Variants in L3MBTL3 observed in about 807,000 individuals in gnomAD.
L3MBTL3 encodes lethal(3)malignant brain tumor-like protein 3.
A neutral mutation model predicts 102.3 loss-of-function variants in L3MBTL3; 27 were observed. That is an observed-to-expected ratio of 0.26 (90% confidence interval 0.19 to 0.36). The LOEUF (loss-of-function observed/expected upper bound fraction) is 0.36. L3MBTL3 is among the 10% of genes least tolerant of loss of function. The pLI, the probability that L3MBTL3 is intolerant of heterozygous loss-of-function variation, is 1.00. For synonymous variants in L3MBTL3, 340 were observed against 320.9 expected, an observed-to-expected ratio of 1.06 and a Z score of -0.64; for missense variants, 798 against 955.3, an observed-to-expected ratio of 0.84 and a Z score of 2.17.
intron 19 of L3MBTL3, among the ~76,000 whole-genome samples, chr6:130,116,050 G>A (rs749106317): frequency 3.9e-5 from 6 of 152,126 alleles, no homozygotes; most frequent in Non-Finnish European, 5.9e-5. Context: ...GCAGACCTGG[G>A]TTATAACCCA....
At chr6:130,084,532 T>C (rs1783557505) in intron 15 of L3MBTL3, among the ~76,000 whole-genome samples, 1 of 152,114 alleles carries the variant, frequency 6.6e-6, no homozygotes, top group South Asian at 2.1e-4. Flanking sequence ...GAAGAGAAAC[T>C]ATATCAAAAA....
chr6:130,109,707 T>C (rs1785232026), intron 19 of L3MBTL3, among the ~76,000 whole-genome samples: 1 of 152,252 alleles, frequency 6.6e-6, no homozygotes, highest in Non-Finnish European at 1.5e-5. Context: ...GCTCTTTAGT[T>C]TGATTAGATC....
intron 13 of L3MBTL3, among the ~76,000 whole-genome samples, chr6:130,075,604 T>G (rs1782901016): frequency 6.6e-6 from 1 of 152,186 alleles, no homozygotes; most frequent in African/African-American, 2.4e-5. Context: ...TAAGGGATAT[T>G]AAGCAGAGAA....
At chr6:130,136,750 T>C (rs1376659108) in intron 22 of L3MBTL3, among the ~76,000 whole-genome samples, 1 of 152,132 alleles carries the variant, frequency 6.6e-6, no homozygotes, top group Non-Finnish European at 1.5e-5. Context: ...CCCAAGTAGC[T>C]GGGACTGCAG....
Position 130,045,658 on chromosome 6 carries a change from A to C in L3MBTL3, c.102+2857A>C, listed in dbSNP as rs372821461. ...TAAAGAGAGAAAACACCTTCATATC[A>C]AAAGAGATGCAAGGAAAATTTTACA... is the stretch of plus-strand genomic sequence containing the variant. On this transcript the variant is annotated intron_variant, in intron 3 of 22. Coordinates refer to ENST00000361794, the MANE Select transcript of L3MBTL3 (RefSeq NM_032438.4). Among the ~76,000 whole-genome samples, 17 of 152,258 alleles carry C rather than the reference A, an allele frequency of 1.1e-4. No homozygotes were observed. In the East Asian group the frequency reaches 2.1e-3, roughly 19 times the overall value.
Position 130,053,073 on chromosome 6 carries a change from C to G in L3MBTL3, c.582+82C>G, listed in dbSNP as rs893343303. On this transcript the variant is annotated intron_variant, in intron 7 of 22. Coordinates refer to ENST00000361794, the MANE Select transcript of L3MBTL3 (RefSeq NM_032438.4). ...CACAGTCACAAGCACTGCTCTGGAG[C>G]CCACTGAGTTCAAATGTGGGTTCCA... The G allele has an allele frequency of 9.8e-5, 107 of 1,086,432 alleles. 2 individuals carry two copies. Among genetic ancestry groups the G allele is most frequent in the Middle Eastern group, 2.1e-4 (1 of 4,852 alleles). The allele number at this position is 1,086,432 out of a possible 1,614,324, so 67.3% of individuals were successfully genotyped here. A position where few individuals can be genotyped will look rare whatever the true frequency, so the allele number is the denominator to read the frequency against.
In L3MBTL3 at chr6:130,140,952, G is replaced by A. The variant is rs899959973; in HGVS notation, c.*1199G>A. On this transcript the variant is annotated 3_prime_UTR_variant, in exon 23 of 23. Transcript: ENST00000361794. ...CTTTTTCTGTAGAATACTTTGCCTC[G>A]ATATATAAGCATACAGATGCACTTT... The A allele has an allele frequency of 2.0e-5, 3 of 152,552 alleles. No homozygotes were observed. The highest frequency in any genetic ancestry group is 2.9e-5 in the Non-Finnish European group (2 of 68,030). The allele number at this position is 152,552 out of a possible 1,614,324, so 9.4% of individuals were successfully genotyped here. A position where few individuals can be genotyped will look rare whatever the true frequency, so the allele number is the denominator to read the frequency against.
chr6:130,121,848 C>A (rs140451351), intron 20 of L3MBTL3, among the ~76,000 whole-genome samples: 1 of 152,232 alleles, frequency 6.6e-6, no homozygotes, highest in Non-Finnish European at 1.5e-5. Flanking sequence ...GAGTTTGAGA[C>A]CAGCCTGGCC....
At chr6:130,132,128 C>T (rs919985389) in intron 20 of L3MBTL3, among the ~76,000 whole-genome samples, 2 of 152,152 alleles carry the variant, frequency 1.3e-5, no homozygotes, top group Non-Finnish European at 2.9e-5. Flanking sequence ...GCTCATTGTT[C>T]ATGATCTCCA....
chr6:130,068,335 AAAG>A lies in L3MBTL3; in HGVS notation c.1015_1017del (p.Glu339del), dbSNP rs778488370. The stretch of plus-strand genomic sequence containing the variant: ...TTCATATGTGCTTACTCTAGGGTAT[AAAG>A]AAGAAGAATTCAATTGGCAGACCTA... On this transcript the variant is annotated inframe_deletion, in exon 12 of 23. Coordinates refer to ENST00000361794, the MANE Select transcript of L3MBTL3 (RefSeq NM_032438.4). The A allele has an allele frequency of 5.7e-6, 9 of 1,565,846 alleles. No homozygotes were observed. Among genetic ancestry groups the A allele is most frequent in the Middle Eastern group, 1.7e-4 (1 of 5,968 alleles).
intron 2 of L3MBTL3, among the ~76,000 whole-genome samples, chr6:130,029,888 A>G (rs963737532): frequency 1.1e-4 from 16 of 151,964 alleles, no homozygotes; most frequent in African/African-American, 2.9e-4. Context: ...GGGTGGTACA[A>G]TCTTGGTTCA....
intron 19 of L3MBTL3, among the ~76,000 whole-genome samples, chr6:130,109,044 T>A (rs1582588336): frequency 6.6e-6 from 1 of 152,220 alleles, no homozygotes; most frequent in Non-Finnish European, 1.5e-5. Flanking sequence ...ACTCATTCTT[T>A]TTTATGGCTG....
chr6:130,093,512 C>T (rs1328736269), intron 17 of L3MBTL3, among the ~76,000 whole-genome samples: 2 of 152,140 alleles, frequency 1.3e-5, no homozygotes, highest in African/African-American at 4.8e-5. Context: ...GGCACATGTA[C>T]ATGGCATTCA....
chr6:130,087,313 A>T (rs1783747000), intron 16 of L3MBTL3, among the ~76,000 whole-genome samples: 1 of 152,156 alleles, frequency 6.6e-6, no homozygotes, highest in Non-Finnish European at 1.5e-5. Context: ...TGTGCTAACC[A>T]TATTTTCAAG....
intron 18 of L3MBTL3, among the ~76,000 whole-genome samples, chr6:130,094,621 C>T (rs1784251371): frequency 6.6e-6 from 1 of 151,964 alleles, no homozygotes; most frequent in South Asian, 2.1e-4. Context: ...ACTAGATTTA[C>T]AAATAGTTAG....
At chr6:130,086,483 G>T (rs1294018518) in intron 16 of L3MBTL3, among the ~76,000 whole-genome samples, 1 of 152,040 alleles carries the variant, frequency 6.6e-6, no homozygotes, top group African/African-American at 2.4e-5. Context: ...TATGTATTTG[G>T]AGAAAGAAAG....
In L3MBTL3 at chr6:130,141,052, T is replaced by C. The variant is rs1451612454; in HGVS notation, c.*1299T>C. On this transcript the variant is annotated 3_prime_UTR_variant, in exon 23 of 23. Coordinates refer to ENST00000361794, the MANE Select transcript of L3MBTL3 (RefSeq NM_032438.4). The stretch of plus-strand genomic sequence containing the variant: ...AAGAATGCATTTCTAAGGCAAAAGG[T>C]AAATTATTTTGTCCGTCTTTTGATG... The C allele has an allele frequency of 1.3e-5, 2 of 152,546 alleles. No individual in the cohort carries two copies. Among genetic ancestry groups the C allele is most frequent in the African/African-American group, 4.8e-5 (2 of 41,466 alleles). 9.4% of individuals were successfully genotyped at this position (152,546 alleles called of 1,614,324 possible).
intron 18 of L3MBTL3, among the ~76,000 whole-genome samples, chr6:130,099,433 T>C (rs1784556255): frequency 6.6e-6 from 1 of 152,206 alleles, no homozygotes; most frequent in Non-Finnish European, 1.5e-5. Flanking sequence ...ACTTTTTCCA[T>C]AGATGTTTAA....
chr6:130,085,190 A>C (rs1283027402), intron 15 of L3MBTL3, among the ~76,000 whole-genome samples: 1 of 152,102 alleles, frequency 6.6e-6, no homozygotes, highest in Non-Finnish European at 1.5e-5. Context: ...AAAATTAACT[A>C]ATTTGCCTAA....
Sources: gnomAD v4.1 joint callset for allele counts (sites outside exome capture counted in the v4.1 genomes callset) on GRCh38, gnomAD v4.1.1 for gene constraint, MANE v1.5 for transcripts, NCBI Gene and HGNC (gene_info 2026-07-23, HGNC 2026-07-21) for gene names.